SEC24D: variants seen among roughly 807,000 people sequenced by gnomAD.
The protein encoded by SEC24D is SEC24 homolog D, COPII component.
A neutral mutation model predicts 116.9 loss-of-function variants in SEC24D; 69 were observed. The observed-to-expected ratio is 0.59, with a 90% CI of 0.49 to 0.72. The LOEUF (loss-of-function observed/expected upper bound fraction) is 0.72, where lower values mean the gene tolerates loss of function less well. SEC24D is among the 30% of genes least tolerant of loss of function. The probability of loss-of-function intolerance (pLI) is 0.00; values close to 1 mark genes in which losing one functional copy is unlikely to be tolerated. For synonymous variants in SEC24D, 405 were observed against 442.8 expected, an observed-to-expected ratio of 0.91 and a Z score of 1.07; for missense variants, 1,131 against 1,264.1, an observed-to-expected ratio of 0.89 and a Z score of 1.60.
chr4:118,770,087 A>T (rs1255241751), intron 8 of SEC24D, among the ~76,000 whole-genome samples: 1 of 152,208 alleles, frequency 6.6e-6, no homozygotes. Context: ...AAGACAGAGA[A>T]TAAACTTTCA....
chr4:118,774,672 G>A lies in SEC24D; in HGVS notation c.1042-6361C>T, dbSNP rs530881308. On this transcript the variant is annotated intron_variant, in intron 8 of 22. Coordinates refer to ENST00000280551, the MANE Select transcript of SEC24D (RefSeq NM_014822.4). ...TCAGAGAAAGGTACCATTCTCGCTG[G>A]TCTGTGACTTGAATCAAGCCCTTAA... is the stretch of plus-strand genomic sequence containing the variant. 4.9e-4 allele frequency among the ~76,000 whole-genome samples: 75 copies of A among 152,228 alleles called. No individual in the cohort carries two copies. The South Asian group carries it at 0.015, about 30-fold the overall frequency.
intron 8 of SEC24D, among the ~76,000 whole-genome samples, chr4:118,786,974 C>G (rs1728684100): frequency 6.6e-6 from 1 of 152,138 alleles, no homozygotes; most frequent in Admixed American, 6.5e-5. Flanking sequence ...AGAAAATAAG[C>G]TTGGTGCATT....
chr4:118,754,578 A>G (rs551942259), intron 11 of SEC24D, among the ~76,000 whole-genome samples: 2 of 152,154 alleles, frequency 1.3e-5, no homozygotes, highest in Non-Finnish European at 2.9e-5. Context: ...GTCGGGTACA[A>G]TGTGGGGAAT....
intron 8 of SEC24D, among the ~76,000 whole-genome samples, chr4:118,791,317 ATGAG>A (rs1044359982): frequency 4.6e-5 from 7 of 152,172 alleles, no homozygotes; most frequent in East Asian, 1.9e-4. Flanking sequence ...GAATGAATGA[ATGAG>A]TAACAGCGCA....
At chr4:118,823,224 G>C (rs1730468154) in intron 3 of SEC24D, among the ~76,000 whole-genome samples, 1 of 152,096 alleles carries the variant, frequency 6.6e-6, no homozygotes, top group Non-Finnish European at 1.5e-5. Context: ...CTTGCTCCAA[G>C]CTTAAACCAC....
intron 6 of SEC24D, among the ~76,000 whole-genome samples, chr4:118,811,995 C>T (rs575092905): frequency 2.6e-5 from 4 of 152,316 alleles, no homozygotes; most frequent in Non-Finnish European, 5.9e-5. Flanking sequence ...CTGAGGCAGT[C>T]TTGGGACTTG....
intron 15 of SEC24D, among the ~76,000 whole-genome samples, chr4:118,743,199 T>C (rs1726321790): frequency 1.3e-5 from 2 of 152,120 alleles, no homozygotes; most frequent in South Asian, 4.1e-4. Flanking sequence ...TTAAAAACAT[T>C]ATCTTAAGTA....
At chr4:118,811,123 GAT>G (rs1369229556) in intron 6 of SEC24D, among the ~76,000 whole-genome samples, 4 of 152,182 alleles carry the variant, frequency 2.6e-5, no homozygotes, top group Non-Finnish European at 5.9e-5. Flanking sequence ...ACTGGAATAG[GAT>G]CAGGAGAGAG....
intron 2 of SEC24D, among the ~76,000 whole-genome samples, chr4:118,829,029 G>A (rs1326440860): frequency 6.6e-6 from 1 of 152,148 alleles, no homozygotes; most frequent in African/African-American, 2.4e-5. Flanking sequence ...CCTAAGTCTT[G>A]TTTAGGTGCC....
At chr4:118,750,877 A>G (rs1388623881) in intron 13 of SEC24D, among the ~76,000 whole-genome samples, 1 of 151,932 alleles carries the variant, frequency 6.6e-6, no homozygotes, top group Non-Finnish European at 1.5e-5. Flanking sequence ...TGATATCCAC[A>G]ATAGTCTTTG....
At chr4:118,740,489 G>A (rs907978351) in intron 17 of SEC24D, among the ~76,000 whole-genome samples, 174 bp downstream of exon 17, 1 of 152,176 alleles carries the variant, frequency 6.6e-6, no homozygotes, top group African/African-American at 2.4e-5. Flanking sequence ...AAATATGAAT[G>A]AGTATGGAGA....
intron 2 of SEC24D, among the ~76,000 whole-genome samples, chr4:118,825,839 G>A (rs912358212): frequency 5.3e-5 from 8 of 152,098 alleles, no homozygotes; most frequent in Admixed American, 1.3e-4. Context: ...TTTTGACTTC[G>A]TCATAGTATT....
intron 8 of SEC24D, among the ~76,000 whole-genome samples, chr4:118,774,668 G>A (rs527745148): frequency 3.4e-4 from 52 of 152,042 alleles, no homozygotes; most frequent in Non-Finnish European, 1.3e-4. Context: ...TACCATTCTC[G>A]CTGGTCTGTG....
At chr4:118,757,217 G>A (rs1033719388) in intron 11 of SEC24D, among the ~76,000 whole-genome samples, 1 of 152,112 alleles carries the variant, frequency 6.6e-6, no homozygotes, top group Non-Finnish European at 1.5e-5. Context: ...AAGGAATGTG[G>A]TGCACCTCAG....
rs561069856 is a variant in SEC24D at position 118,741,723 on chromosome 4, C to T, written c.1996-686G>A. Among the ~76,000 whole-genome samples the T allele has an allele frequency of 8.5e-5, 13 of 152,240 alleles. No individual in the cohort carries two copies. In the South Asian group the frequency reaches 2.7e-3, roughly 32 times the overall value. On this transcript the variant is annotated intron_variant, in intron 15 of 22. Transcript: ENST00000280551. Reference sequence around the variant, plus strand: ...ACGCATCTCATCCCTTCCCCCCAGTCCCAAACACGAAGGGAATGAAGGAGG... The same window carrying T: ...ACGCATCTCATCCCTTCCCCCCAGTTCCAAACACGAAGGGAATGAAGGAGG...
intron 8 of SEC24D, among the ~76,000 whole-genome samples, chr4:118,779,713 G>A (rs1728309756): frequency 6.6e-6 from 1 of 152,186 alleles, no homozygotes. Context: ...GTAGAATTCA[G>A]CTGTGAATCC....
At chr4:118,758,409 G>A (rs1203053672) in intron 10 of SEC24D, 1 of 152,088 alleles carries the variant, frequency 6.6e-6, no homozygotes, top group African/African-American at 2.4e-5. Flanking sequence ...TTTAAGTACT[G>A]ACCTAGTTTT....
intron 2 of SEC24D, among the ~76,000 whole-genome samples, chr4:118,826,994 G>A (rs1730616014): frequency 6.6e-6 from 1 of 152,152 alleles, no homozygotes; most frequent in East Asian, 1.9e-4. Flanking sequence ...ACTCTTCCTG[G>A]GGGAATTGAG....
At chr4:118,777,831 T>C (rs1728214404) in intron 8 of SEC24D, among the ~76,000 whole-genome samples, 1 of 152,246 alleles carries the variant, frequency 6.6e-6, no homozygotes, top group Non-Finnish European at 1.5e-5. Context: ...TATCTCATTG[T>C]GGTTTTGACT....
Sources: allele counts gnomAD v4.1 joint callset (sites outside exome capture counted in the v4.1 genomes callset), GRCh38; gene constraint gnomAD v4.1.1; transcripts MANE v1.5; gene names NCBI Gene and HGNC (gene_info 2026-07-23, HGNC 2026-07-21).